Variants in CWC27 observed in about 807,000 individuals in gnomAD.
CWC27 encodes the protein spliceosome-associated protein CWC27 homolog.
CWC27 carries 47 observed loss-of-function variants against 63.6 expected under a neutral mutation model. That is an observed-to-expected ratio of 0.74 (90% CI 0.58 to 0.94). The LOEUF (loss-of-function observed/expected upper bound fraction) is 0.94, where lower values mean the gene tolerates loss of function less well. Ranked by LOEUF, CWC27 falls within the 40% of genes least tolerant of loss-of-function variation. CWC27 has a pLI of 0.00. For missense variants in CWC27, 495 were observed against 554.3 expected, an observed-to-expected ratio of 0.89 and a Z score of 1.07; for synonymous variants, 175 against 179.8, an observed-to-expected ratio of 0.97 and a Z score of 0.22.
chr5:64,909,065 G>T (rs989525087), intron 11 of CWC27, among the ~76,000 whole-genome samples: 4 of 152,226 alleles, frequency 2.6e-5, no homozygotes, highest in East Asian at 1.9e-4. Context: ...AGGAACTCTT[G>T]TAGGGCAGGC....
rs529739996 is a variant in CWC27 at position 64,990,263 on chromosome 5, T to G, written c.1256+13025T>G. Among the ~76,000 whole-genome samples the G allele has an allele frequency of 4.0e-4, 16 of 39,988 alleles. 1 individual carries two copies. The highest frequency in any genetic ancestry group is 7.2e-4 in the Non-Finnish European group (14 of 19,324). 26.2% of individuals were successfully genotyped at this position (39,988 alleles called of 152,430 possible). A position where few individuals can be genotyped will look rare whatever the true frequency, so the allele number is the denominator to read the frequency against. ...TTGTTTTTTTTTTGTTTTTTTTTTTTTTGTTTTTTTTTTTTTTTTGAGACG... is the reference window on the plus strand; with the variant it reads ...TTGTTTTTTTTTTGTTTTTTTTTTTGTTGTTTTTTTTTTTTTTTTGAGACG... On this transcript the variant is annotated intron_variant, in intron 13 of 13. Coordinates refer to ENST00000381070, the MANE Select transcript of CWC27 (RefSeq NM_005869.4).
intron 11 of CWC27, among the ~76,000 whole-genome samples, chr5:64,924,208 A>G (rs1335909260): frequency 1.3e-5 from 2 of 152,172 alleles, no homozygotes; most frequent in African/African-American, 4.8e-5. Context: ...TTTCCTTGGG[A>G]TATTTACTTG....
At chr5:64,986,371 C>T (rs1441804227) in intron 13 of CWC27, among the ~76,000 whole-genome samples, 1 of 152,108 alleles carries the variant, frequency 6.6e-6, no homozygotes, top group East Asian at 1.9e-4. Context: ...CTTTGTGTAC[C>T]TGGGATAAAT....
At chr5:64,834,421 T>G (rs1745605357) in intron 10 of CWC27, among the ~76,000 whole-genome samples, 2 of 151,678 alleles carry the variant, frequency 1.3e-5, no homozygotes. Flanking sequence ...ATTTTCTAGG[T>G]CCCTCCAAGA....
Position 64,810,472 on chromosome 5 carries a change from A to C in CWC27, c.938+6086A>C, listed in dbSNP as rs182833868. On this transcript the variant is annotated intron_variant, in intron 10 of 13. Coordinates refer to ENST00000381070, the MANE Select transcript of CWC27 (RefSeq NM_005869.4). ...TTGATAGAAATTGCCTGGAATCTGTAGATCACTCTGGGTAGTATGGACATT... is the reference window on the plus strand; with the variant it reads ...TTGATAGAAATTGCCTGGAATCTGTCGATCACTCTGGGTAGTATGGACATT... 4.8e-3 allele frequency among the ~76,000 whole-genome samples: 724 copies of C among 152,212 alleles called. 2 individuals carry two copies. The highest frequency in any genetic ancestry group is 8.1e-3 in the Non-Finnish European group (548 of 67,988).
intron 11 of CWC27, among the ~76,000 whole-genome samples, chr5:64,921,722 AG>A (rs1748002613): frequency 6.6e-6 from 1 of 152,272 alleles, no homozygotes; most frequent in East Asian, 1.9e-4. Context: ...TGTGTTATGT[AG>A]ACTTGATTGT....
At chr5:64,857,964 C>T (rs1214817639) in intron 10 of CWC27, among the ~76,000 whole-genome samples, 1 of 146,140 alleles carries the variant, frequency 6.8e-6, no homozygotes, top group South Asian at 2.2e-4. Context: ...GGTGAAACCC[C>T]GTCTCTACTA....
At chr5:64,845,498 T>TA (rs1272632970) in intron 10 of CWC27, among the ~76,000 whole-genome samples, 3 of 152,286 alleles carry the variant, frequency 2.0e-5, no homozygotes, top group African/African-American at 7.2e-5. Context: ...TGGAAACTGA[T>TA]ACCTAACAAA....
intron 7 of CWC27, among the ~76,000 whole-genome samples, chr5:64,795,969 C>T (rs1189170417): frequency 6.7e-6 from 1 of 149,432 alleles, no homozygotes; most frequent in Non-Finnish European, 1.5e-5. Flanking sequence ...AGAGAATTTC[C>T]TAATAATAGA....
chr5:64,916,928 T>C (rs142390358), intron 11 of CWC27, among the ~76,000 whole-genome samples: 177 of 148,942 alleles, frequency 1.2e-3, no homozygotes, highest in African/African-American at 4.1e-3. Flanking sequence ...GTAGTAGTAG[T>C]AGCAGTGGTA....
intron 10 of CWC27, among the ~76,000 whole-genome samples, chr5:64,816,732 A>G (rs1296385260): frequency 6.6e-6 from 1 of 152,162 alleles, no homozygotes; most frequent in Admixed American, 6.6e-5. Context: ...AGAACCCAAA[A>G]TGATACAAGG....
At chr5:64,907,856 T>G (rs921946733) in intron 11 of CWC27, among the ~76,000 whole-genome samples, 21 of 152,134 alleles carry the variant, frequency 1.4e-4, no homozygotes, top group African/African-American at 5.1e-4. Flanking sequence ...TCATTGATTT[T>G]TTGAAGGGTT....
intron 10 of CWC27, among the ~76,000 whole-genome samples, chr5:64,806,342 G>C (rs1002514003): frequency 6.6e-6 from 1 of 152,134 alleles, no homozygotes; most frequent in Admixed American, 6.5e-5. Flanking sequence ...AATTAAATAA[G>C]AAGTCTCCAA....
At chr5:64,775,983 CG>C (rs1743426928) in intron 2 of CWC27, among the ~76,000 whole-genome samples, 2 of 150,896 alleles carry the variant, frequency 1.3e-5, no homozygotes, top group Non-Finnish European at 3.0e-5. Context: ...TCTAAATAGA[CG>C]TAATTATCAG....
At chr5:64,993,497 AAG>A (rs1749577254) in intron 13 of CWC27, among the ~76,000 whole-genome samples, 2 of 152,032 alleles carry the variant, frequency 1.3e-5, no homozygotes, top group South Asian at 2.1e-4. Context: ...TTTAAAAAAA[AAG>A]AAGTTCTTTA....
chr5:64,888,090 T>C (rs1181301122), intron 11 of CWC27, among the ~76,000 whole-genome samples: 1 of 151,910 alleles, frequency 6.6e-6, no homozygotes, highest in Admixed American at 6.6e-5. Context: ...AAGAAGTGGT[T>C]GATTGCAGGT....
At position 64,781,935 on chromosome 5, in the gene CWC27, A is replaced by G; in HGVS notation, c.154A>G (p.Thr52Ala). 1 of 1,572,620 alleles carries G rather than the reference A, an allele frequency of 6.4e-7. No individual in the cohort carries two copies. The highest frequency in any genetic ancestry group is 2.3e-5 in the East Asian group (1 of 44,376). ...TTTTTTTTCAGCTTATTATGACAATACCATTTTTCATAGAGTTGTGCCTGG... is the reference window on the plus strand; with the variant it reads ...TTTTTTTTCAGCTTATTATGACAATGCCATTTTTCATAGAGTTGTGCCTGG... ...QLCLEAYYDN[T>A]IFHRVVPGFI... is the part of the protein sequence containing the mutation. The change falls in exon 3 of 14, where the codon ACC (threonine) becomes GCC (alanine). Residue 52 changes from threonine to alanine, a missense_variant. By Grantham distance (58) the Thr-to-Ala change is moderately conservative (BLOSUM62 0). This residue lies in a region of CWC27 where 463 missense variants were observed against 498.1 expected (regional missense o/e 0.93). Transcript: ENST00000381070.
At chr5:64,817,873 A>G (rs1046104333) in intron 10 of CWC27, among the ~76,000 whole-genome samples, 3 of 152,054 alleles carry the variant, frequency 2.0e-5, no homozygotes, top group African/African-American at 2.4e-5. Context: ...TAGGATTTCC[A>G]TTTTTATTTT....
rs866793283 is a variant in CWC27, at chr5:64,946,709, T to C, written c.1043-24994T>C. Among the ~76,000 whole-genome samples, 9 of 152,164 alleles carry C rather than the reference T, an allele frequency of 5.9e-5. 1 individual carries two copies. The Middle Eastern group carries it at 0.024, about 403-fold the overall frequency. ...TTACCCGTATTAGCTTTTCCAGTTA[T>C]AGAAAATTACCTGTCAAGTTTTACT... is the stretch of plus-strand genomic sequence containing the variant. On this transcript the variant is annotated intron_variant, in intron 11 of 13. Transcript: ENST00000381070.
Sources: gnomAD v4.1 joint callset for allele counts (sites outside exome capture counted in the v4.1 genomes callset) on GRCh38, gnomAD v4.1.1 for gene constraint, gnomAD v4.1.1 regional missense constraint, MANE v1.5 for transcripts, NCBI Gene and HGNC (gene_info 2026-07-23, HGNC 2026-07-21) for gene names.